SLIT3: variants seen among roughly 807,000 people sequenced by gnomAD.
SLIT3 encodes the protein slit homolog 3 protein.
Under a neutral mutation model 184.0 loss-of-function variants are expected in SLIT3, and 68 were observed. That is an observed-to-expected ratio of 0.37 (90% CI 0.30 to 0.45). The LOEUF (loss-of-function observed/expected upper bound fraction) is 0.45. Ranked by LOEUF, SLIT3 falls within the 20% of genes least tolerant of loss-of-function variation. SLIT3 has a pLI of 1.00. For synonymous variants in SLIT3, 831 were observed against 828.6 expected (o/e 1.00, Z -0.05); for missense variants, 1,707 against 2,026.0 (o/e 0.84, Z 3.02).
At chr5:168,707,908 C>T in intron 26 of SLIT3, 68 bp downstream of exon 26, 3 of 1,597,972 alleles carry the variant, frequency 1.9e-6, no homozygotes, top group East Asian at 2.2e-5. Context: ...CATGGTGCCC[C>T]TCTCTAGGGC....
intron 32 of SLIT3, among the ~76,000 whole-genome samples, chr5:168,675,352 C>G (rs963522510): frequency 1.3e-5 from 2 of 152,148 alleles, no homozygotes; most frequent in African/African-American, 4.8e-5. Flanking sequence ...GAAATCTCAG[C>G]AGCCAAAAAG....
intron 4 of SLIT3, among the ~76,000 whole-genome samples, chr5:169,189,843 A>G (rs1481479770): frequency 6.6e-6 from 1 of 152,144 alleles, no homozygotes; most frequent in Non-Finnish European, 1.5e-5. Context: ...GGAGAATTAA[A>G]TGAGTTAATA....
At chr5:168,861,296 C>G (rs1042330219) in intron 5 of SLIT3, among the ~76,000 whole-genome samples, 1 of 151,866 alleles carries the variant, frequency 6.6e-6, no homozygotes, top group Non-Finnish European at 1.5e-5. Context: ...GTGATGTTCC[C>G]CTTCCTGTGA....
intron 3 of SLIT3, among the ~76,000 whole-genome samples, chr5:169,240,364 AT>A (rs75637526): frequency 3.4e-4 from 50 of 147,194 alleles, no homozygotes; most frequent in Admixed American, 5.4e-4. Flanking sequence ...AAATTTGTCT[AT>A]TTTTTTTTTA....
intron 1 of SLIT3, among the ~76,000 whole-genome samples, chr5:169,273,341 G>A (rs1581127747): frequency 6.6e-6 from 1 of 152,228 alleles, no homozygotes; most frequent in East Asian, 1.9e-4. Context: ...CTCAGAGAGA[G>A]AGATGATCAC....
intron 11 of SLIT3, among the ~76,000 whole-genome samples, chr5:168,787,057 C>T (rs1425934649): frequency 6.6e-6 from 1 of 152,160 alleles, no homozygotes; most frequent in African/African-American, 2.4e-5. Context: ...AAACCAAACC[C>T]CCCTTTTCCA....
At chr5:168,973,892 A>T (rs1581259531) in intron 4 of SLIT3, among the ~76,000 whole-genome samples, 1 of 152,342 alleles carries the variant, frequency 6.6e-6, no homozygotes, top group East Asian at 1.9e-4. Context: ...CTTTGTATAT[A>T]AATTCTGGAC....
intron 4 of SLIT3, among the ~76,000 whole-genome samples, chr5:169,075,670 T>A (rs890296122): frequency 2.6e-5 from 4 of 152,244 alleles, no homozygotes; most frequent in African/African-American, 9.6e-5. Context: ...TGGCTTCTTA[T>A]ATGCAGATAG....
rs187266126 is a variant in SLIT3, at chr5:169,002,707, C to T, written c.414-119371G>A. ...AGAGGGGATGAGGACTACATTTTTC[C>T]GTGTTTTTCTTCCTTGATCAAAGTA... On this transcript the variant is annotated intron_variant, in intron 4 of 35. Coordinates refer to ENST00000519560, the MANE Select transcript of SLIT3 (RefSeq NM_003062.4). Among the ~76,000 whole-genome samples, 798 of 152,264 alleles carry T rather than the reference C, an allele frequency of 5.2e-3. 4 individuals carry two copies. Among genetic ancestry groups the T allele is most frequent in the African/African-American group, 8.5e-3 (353 of 41,556 alleles).
intron 6 of SLIT3, among the ~76,000 whole-genome samples, chr5:168,839,207 A>G (rs529227068): frequency 2.6e-5 from 4 of 152,238 alleles, no homozygotes; most frequent in South Asian, 2.1e-4. Flanking sequence ...TGTCCACTCC[A>G]TCATGCTGGT....
intron 4 of SLIT3, among the ~76,000 whole-genome samples, chr5:168,950,825 C>T (rs1321392455): frequency 6.6e-6 from 1 of 152,202 alleles, no homozygotes; most frequent in Admixed American, 6.5e-5. Flanking sequence ...TGCAATTGCC[C>T]AGTATATAAA....
chr5:168,996,505 C>A (rs756421717), intron 4 of SLIT3, among the ~76,000 whole-genome samples: 1 of 152,210 alleles, frequency 6.6e-6, no homozygotes, highest in Non-Finnish European at 1.5e-5. Flanking sequence ...TAGTCTACTT[C>A]TTCCAGTGAC....
chr5:168,859,567 C>T (rs991120468), intron 5 of SLIT3, among the ~76,000 whole-genome samples: 8 of 152,124 alleles, frequency 5.3e-5, no homozygotes, highest in Non-Finnish European at 7.4e-5. Flanking sequence ...TTCGATTTCA[C>T]GTTTGGTTTT....
chr5:169,006,603 T>TCACA (rs1440403006), intron 4 of SLIT3, among the ~76,000 whole-genome samples: 1 of 148,544 alleles, frequency 6.7e-6, no homozygotes, highest in Non-Finnish European at 1.5e-5. Flanking sequence ...TCTCTCTCTC[T>TCACA]CTCACACACA....
intron 1 of SLIT3, among the ~76,000 whole-genome samples, chr5:169,276,210 C>G (rs1236323959): frequency 4.6e-5 from 7 of 152,156 alleles, no homozygotes; most frequent in African/African-American, 1.7e-4. Flanking sequence ...CTTTTATCTC[C>G]TCCCAGGTCT....
intron 4 of SLIT3, among the ~76,000 whole-genome samples, chr5:168,898,303 G>A (rs1312968202): frequency 6.6e-6 from 1 of 152,062 alleles, no homozygotes; most frequent in African/African-American, 2.4e-5. Flanking sequence ...GCCACTTAGA[G>A]GAGTGGCTGG....
At chr5:169,044,964 A>AG (rs898284730) in intron 4 of SLIT3, among the ~76,000 whole-genome samples, 3 of 152,206 alleles carry the variant, frequency 2.0e-5, no homozygotes, top group African/African-American at 7.2e-5. Context: ...TCTCTCTCTG[A>AG]AGAAGCAGCC....
At chr5:169,211,810 C>T (rs1764275400) in intron 3 of SLIT3, among the ~76,000 whole-genome samples, 1 of 151,988 alleles carries the variant, frequency 6.6e-6, no homozygotes, top group South Asian at 2.1e-4. Flanking sequence ...CCCAGACGGC[C>T]CGTGTGTGAT....
At chr5:168,807,269 A>G (rs1757001607) in intron 8 of SLIT3, among the ~76,000 whole-genome samples, 1 of 152,222 alleles carries the variant, frequency 6.6e-6, no homozygotes, top group Non-Finnish European at 1.5e-5. Flanking sequence ...AATAGTACCT[A>G]AGGAGCTCAT....
Sources: gnomAD v4.1 joint callset for allele counts (sites outside exome capture counted in the v4.1 genomes callset) on GRCh38, gnomAD v4.1.1 for gene constraint, MANE v1.5 for transcripts, NCBI Gene and HGNC (gene_info 2026-07-23, HGNC 2026-07-21) for gene names.